Variants in PCDHA9 observed in about 807,000 individuals in gnomAD.
PCDHA9 encodes protocadherin alpha 9, also known as protocadherin alpha-9.
PCDHA9 carries 62 observed loss-of-function variants against 62.0 expected under a neutral mutation model. The ratio of observed to expected loss-of-function variants is 1.00; its 90% CI spans 0.81 to 1.23. The LOEUF (loss-of-function observed/expected upper bound fraction) is 1.23. Among genes scored for constraint, PCDHA9 ranks in the 50% most tolerant of loss-of-function variants. The probability of loss-of-function intolerance (pLI) is 0.00; values close to 1 mark genes in which losing one functional copy is unlikely to be tolerated. For synonymous variants in PCDHA9, 557 were observed against 567.6 expected, an observed-to-expected ratio of 0.98 and a Z score of 0.27; for missense variants, 1,205 against 1,249.8, an observed-to-expected ratio of 0.96 and a Z score of 0.54.
rs2153432469 is a variant in PCDHA9, at chr5:140,890,949, A to C, written c.2394+40060A>C. On this transcript the variant is annotated intron_variant, in intron 1 of 3. Transcript: ENST00000532602. The stretch of plus-strand genomic sequence containing the variant: ...CTTTAGTCCAAAGATGCTGGTGAGG[A>C]ATGATTTCAGGTTTTGTTTTTCTGA... 2.0e-5 allele frequency among the ~76,000 whole-genome samples: 3 copies of C among 152,248 alleles called. No individual in the cohort carries two copies. The South Asian group carries it at 6.2e-4, about 32-fold the overall frequency.
At chr5:140,858,548 T>A in intron 1 of PCDHA9, 1 of 1,394,090 alleles carries the variant, frequency 7.2e-7, no homozygotes, top group African/African-American at 1.4e-5. Flanking sequence ...ATTCCATTTA[T>A]GCTTGAATAT....
intron 2 of PCDHA9, among the ~76,000 whole-genome samples, chr5:140,980,036 G>T (rs952735379): frequency 6.6e-6 from 1 of 152,176 alleles, no homozygotes; most frequent in African/African-American, 2.4e-5. Context: ...ATTACATTGG[G>T]TGCTATTTCT....
At chr5:141,009,568 G>A in intron 3 of PCDHA9, 59 bp from the exon 4 acceptor site, 4 of 1,577,106 alleles carry the variant, frequency 2.5e-6, no homozygotes, top group Non-Finnish European at 3.4e-6. Context: ...TCTACCAGCA[G>A]TGTGGCATCA....
At chr5:140,875,447 C>G (rs532829491) in intron 1 of PCDHA9, 1 of 1,584,206 alleles carries the variant, frequency 6.3e-7, no homozygotes, top group African/African-American at 1.4e-5. Flanking sequence ...CTGATTGTCC[C>G]AACTCAGAGG....
At chr5:140,922,661 T>C (rs1255153267) in intron 1 of PCDHA9, among the ~76,000 whole-genome samples, 2 of 152,156 alleles carry the variant, frequency 1.3e-5, no homozygotes, top group African/African-American at 4.8e-5. Context: ...ATGGCTATAC[T>C]GCAAGCAGTA....
chr5:140,927,495 G>C (rs111935715), intron 1 of PCDHA9: 2 of 1,614,128 alleles, frequency 1.2e-6, no homozygotes, highest in African/African-American at 1.3e-5. Context: ...CCCACCTGCT[G>C]GTGCTTACAG....
Position 140,875,692 on chromosome 5 carries a change from C to G in PCDHA9, c.2394+24803C>G, listed in dbSNP as rs781893034. On this transcript the variant is annotated intron_variant, in intron 1 of 3. Coordinates refer to ENST00000532602, the MANE Select transcript of PCDHA9 (RefSeq NM_031857.2). ...GGTGGCGTCCAAAAGACACGGGGAC[C>G]TTCTGGAGGTAAATCTGCAGAATGG... The G allele has an allele frequency of 3.7e-6, 6 of 1,613,938 alleles. No individual in the cohort carries two copies. In the African/African-American group the frequency reaches 5.3e-5, roughly 14 times the overall value.
chr5:140,956,701 G>T (rs549659732), intron 1 of PCDHA9, among the ~76,000 whole-genome samples: 1 of 152,138 alleles, frequency 6.6e-6, no homozygotes, highest in Non-Finnish European at 1.5e-5. Context: ...CCATTGTTTG[G>T]AATAGCTTCA....
intron 1 of PCDHA9, among the ~76,000 whole-genome samples, chr5:140,953,512 C>G (rs2094896275): frequency 6.6e-6 from 1 of 152,106 alleles, no homozygotes; most frequent in Non-Finnish European, 1.5e-5. Context: ...TAGGCCAAAG[C>G]AACAAAAACG....
At chr5:140,965,343 T>C (rs1460433512) in intron 1 of PCDHA9, among the ~76,000 whole-genome samples, 1 of 152,154 alleles carries the variant, frequency 6.6e-6, no homozygotes, top group Admixed American at 6.5e-5. Flanking sequence ...TGTCTCTGTG[T>C]TGCCTCTATA....
intron 1 of PCDHA9, among the ~76,000 whole-genome samples, chr5:140,916,342 T>C (rs1365738177): frequency 2.0e-5 from 3 of 152,122 alleles, no homozygotes; most frequent in Admixed American, 6.5e-5. Context: ...TTCCTCTGTT[T>C]CTGTCAAACA....
In PCDHA9 at chr5:140,969,317, G is replaced by T. The variant is rs1554231675; in HGVS notation, c.2395-9632G>T. 3 of 1,614,156 alleles carry T rather than the reference G, an allele frequency of 1.9e-6. No homozygotes were observed. The East Asian group carries it at 6.7e-5, about 36-fold the overall frequency. ...CCTGATTATTCTCAAAAATGAGGCT[G>T]TTTCTCAAAATGAGGTGAGACAGTG... is the stretch of plus-strand genomic sequence containing the variant. On this transcript the variant is annotated intron_variant, in intron 1 of 3. Transcript: ENST00000532602.
intron 1 of PCDHA9, among the ~76,000 whole-genome samples, chr5:140,939,305 C>A (rs1251046319): frequency 6.6e-6 from 1 of 152,114 alleles, no homozygotes; most frequent in Non-Finnish European, 1.5e-5. Context: ...TCTACAAAAG[C>A]CCTACCTCCT....
Position 140,939,297 on chromosome 5 carries a change from T to C in PCDHA9, c.2395-39652T>C, listed in dbSNP as rs116782192. Among the ~76,000 whole-genome samples the C allele has an allele frequency of 5.4e-3, 827 of 152,242 alleles. 3 individuals are homozygous for C. The highest frequency in any genetic ancestry group is 0.019 in the African/African-American group (796 of 41,542). ...TGTGCCCTCGTGATCTAATCATCTC[T>C]ACAAAAGCCCTACCTCCTAATATCA... On this transcript the variant is annotated intron_variant, in intron 1 of 3. Coordinates refer to ENST00000532602, the MANE Select transcript of PCDHA9 (RefSeq NM_031857.2).
At chr5:140,911,189 A>T (rs1369810973) in intron 1 of PCDHA9, among the ~76,000 whole-genome samples, 1 of 152,126 alleles carries the variant, frequency 6.6e-6, no homozygotes, top group African/African-American at 2.4e-5. Flanking sequence ...TGGGTTGGGG[A>T]GGACATGTTG....
chr5:140,996,262 C>G (rs943119390), intron 3 of PCDHA9, among the ~76,000 whole-genome samples: 1 of 152,182 alleles, frequency 6.6e-6, no homozygotes. Flanking sequence ...CAACACAGAG[C>G]CTGGGATTGC....
At chr5:140,880,241 C>T (rs529552139) in intron 1 of PCDHA9, among the ~76,000 whole-genome samples, 12 of 150,302 alleles carry the variant, frequency 8.0e-5, no homozygotes, top group South Asian at 4.2e-4. Flanking sequence ...AGTGTATGTG[C>T]GTGTGTGTAT....
chr5:140,887,326 G>A (rs1344500973), intron 1 of PCDHA9, among the ~76,000 whole-genome samples: 7 of 152,230 alleles, frequency 4.6e-5, no homozygotes, highest in South Asian at 2.1e-4. Context: ...TCGAACTCCT[G>A]ACCTCGTGAT....
At chr5:140,895,454 G>T (rs1554186522) in intron 1 of PCDHA9, among the ~76,000 whole-genome samples, 1 of 151,918 alleles carries the variant, frequency 6.6e-6, no homozygotes, top group Non-Finnish European at 1.5e-5. Context: ...TGTGCTTATT[G>T]GTCATTTCTT....
Sources: allele counts gnomAD v4.1 joint callset (sites outside exome capture counted in the v4.1 genomes callset), GRCh38; gene constraint gnomAD v4.1.1; transcripts MANE v1.5; gene names NCBI Gene and HGNC (gene_info 2026-07-23, HGNC 2026-07-21).